The following TUBB1 variants were observed in gnomAD, a reference collection of about 807,000 sequenced individuals.
TUBB1 encodes tubulin beta 1 class VI.
TUBB1 carries 28 observed loss-of-function variants against 22.6 expected under a neutral mutation model. That is an observed-to-expected ratio of 1.24 (90% CI 0.92 to 1.70). The LOEUF (loss-of-function observed/expected upper bound fraction) is 1.70, where lower values mean the gene tolerates loss of function less well. Among genes scored for constraint, TUBB1 ranks in the 40% most tolerant of loss-of-function variants. The pLI is 0.00. For synonymous variants in TUBB1, 226 were observed against 238.0 expected, an observed-to-expected ratio of 0.95 and a Z score of 0.46; for missense variants, 577 against 605.5, an observed-to-expected ratio of 0.95 and a Z score of 0.49.
At chr20:59,020,617 G>T (rs1038990690) in intron 1 of TUBB1, among the ~76,000 whole-genome samples, 1 of 151,626 alleles carries the variant, frequency 6.6e-6, no homozygotes, top group African/African-American at 2.4e-5. Context: ...CATGTTTATT[G>T]TAACGCTTAA....
chr20:59,022,943 C>T lies in TUBB1; in HGVS notation c.156C>T (p.Asn52=), dbSNP rs758371399. The change falls in exon 2 of 4, where the codon AAC becomes AAT. Residue 52 remains asparagine, a synonymous_variant. Transcript: ENST00000217133. ...LQLERISVYY[N]EAYGRKYVPR... ...TGGAGAGAATCAGCGTGTACTACAA[C>T]GAAGCCTACGGTAGGACTGGCGGGG... The T allele has an allele frequency of 1.5e-5, 24 of 1,613,652 alleles. No homozygotes were observed. Among genetic ancestry groups the T allele is most frequent in the Admixed American group, 5.0e-5 (3 of 59,976 alleles).
In TUBB1 at chr20:59,025,137, T is replaced by G; in HGVS notation, c.*354T>G. On this transcript the variant is annotated 3_prime_UTR_variant, in exon 4 of 4. Transcript: ENST00000217133. ...CACTGGAGTTGGTGTTACATTTTTATACTTTAGCAGCACTGATAGGCACCC... is the reference window on the plus strand; with the variant it reads ...CACTGGAGTTGGTGTTACATTTTTAGACTTTAGCAGCACTGATAGGCACCC... 3 of 358,220 alleles carry G rather than the reference T, an allele frequency of 8.4e-6. No homozygotes were observed. Among genetic ancestry groups the G allele is most frequent in the Non-Finnish European group, 1.6e-5 (3 of 185,684 alleles). 22.2% of individuals were successfully genotyped at this position (358,220 alleles called of 1,614,324 possible). A position where few individuals can be genotyped will look rare whatever the true frequency, so the allele number is the denominator to read the frequency against.
Position 59,024,048 on chromosome 20 carries a change from C to T in TUBB1, c.621C>T (p.Leu207=), listed in dbSNP as rs1463601062. 1.9e-6 allele frequency: 3 copies of T among 1,614,102 alleles called. No homozygotes were observed. The African/African-American group carries it at 4.0e-5, about 22-fold the overall frequency. ...GTTTCTGCATTGACAATGAGGCCCT[C>T]TATGACATCTGCTTCCGTACCCTGA... is the stretch of plus-strand genomic sequence containing the variant. The part of the protein sequence containing the change: ...DACFCIDNEA[L]YDICFRTLKL... The change falls in exon 4 of 4, where the codon CTC becomes CTT. Residue 207 remains leucine, a synonymous_variant. Transcript: ENST00000217133. This position sits in a 1 kb window ranked among gnomAD's most constrained non-coding sequence, Gnocchi z 4.9.
Position 59,024,052 on chromosome 20 carries a change from G to T in TUBB1, c.625G>T (p.Asp209Tyr). 6.2e-7 allele frequency: 1 copy of T among 1,614,196 alleles called. No individual in the cohort carries two copies. The highest frequency in any genetic ancestry group is 8.5e-7 in the Non-Finnish European group (1 of 1,180,026). Residue 209 changes from aspartate (D) to tyrosine (Y), a missense_variant, in exon 4 of 4, where the codon GAC becomes TAC. Asp to Tyr is a radical substitution (Grantham distance 160). Coordinates refer to ENST00000217133, the MANE Select transcript of TUBB1 (RefSeq NM_030773.4). This position sits in a 1 kb window ranked among gnomAD's most constrained non-coding sequence, Gnocchi z 4.9. ...CFCIDNEALY[D>Y]ICFRTLKLTT... ...CTGCATTGACAATGAGGCCCTCTAT[G>T]ACATCTGCTTCCGTACCCTGAAGCT...
Position 59,023,924 on chromosome 20 carries a change from C to T in TUBB1, c.497C>T (p.Ser166Phe). 3 of 1,614,214 alleles carry T rather than the reference C, an allele frequency of 1.9e-6. No homozygotes were observed. The highest frequency in any genetic ancestry group is 1.7e-6 in the Non-Finnish European group (2 of 1,180,034). ...GAGTACCCGGACCGGATCATGAATT[C>T]CTTCAGCGTCATGCCTTCTCCCAAG... ...REEYPDRIMNSFSVMPSPKVS... is the reference protein window; with the variant it reads ...REEYPDRIMNFFSVMPSPKVS... Residue 166 changes from serine to phenylalanine, a missense_variant, in exon 4 of 4, where the codon TCC becomes TTC. Physicochemically the swap from Ser to Phe is radical, Grantham distance 155. Transcript: ENST00000217133.
chr20:59,022,885 C>G lies in TUBB1; in HGVS notation c.98C>G (p.Ala33Gly). 1 of 1,614,090 alleles carries G rather than the reference C, an allele frequency of 6.2e-7. No individual in the cohort carries two copies. Among genetic ancestry groups the G allele is most frequent in the Non-Finnish European group, 8.5e-7 (1 of 1,180,014 alleles). The change falls in exon 2 of 4, where the codon GCT (alanine) becomes GGT (glycine). Residue 33 changes from alanine to glycine, a missense_variant. Physicochemically the swap from Ala to Gly is moderately conservative, Grantham distance 60. Transcript: ENST00000217133. ...MIGEEHGIDL[A>G]GSDRGASALQ... ...GGTGAGGAACACGGGATCGACTTGG[C>G]TGGGAGCGACCGCGGGGCCTCGGCC... is the stretch of plus-strand genomic sequence containing the variant.
chr20:59,019,660 G>A, intron 1 of TUBB1, 81 bp downstream of exon 1: 2 of 1,392,774 alleles, frequency 1.4e-6, no homozygotes, highest in Non-Finnish European at 2.0e-6. Flanking sequence ...TAAGTTAGCA[G>A]GGAAGACAAT....
chr20:59,023,407 C>A, intron 2 of TUBB1, 83 bp from the exon 3 acceptor site: 1 of 1,279,686 alleles, frequency 7.8e-7, no homozygotes, highest in Non-Finnish European at 1.1e-6. Flanking sequence ...TTTTTTTGGA[C>A]CAGTATCACA....
Position 59,023,873 on chromosome 20 carries a change from C to T in TUBB1, c.446C>T (p.Thr149Ile). 3 of 1,614,116 alleles carry T rather than the reference C, an allele frequency of 1.9e-6. No homozygotes were observed. The highest frequency in any genetic ancestry group is 2.5e-6 in the Non-Finnish European group (3 of 1,179,992). ...GGGGGCACAGGCTCCGGGATGGGCA[C>T]TCTGCTCATGAACAAGATTAGAGAG... ...LGGGTGSGMG[T>I]LLMNKIREEY... Residue 149 changes from threonine to isoleucine, a missense_variant, in exon 4 of 4, where the codon ACT becomes ATT. By Grantham distance (89) the Thr-to-Ile change is moderately conservative. Transcript: ENST00000217133.
intron 2 of TUBB1, among the ~76,000 whole-genome samples, chr20:59,023,160 C>G (rs989058313): frequency 7.2e-5 from 11 of 152,202 alleles, no homozygotes; most frequent in Admixed American, 7.2e-4. Flanking sequence ...ATATGGCACA[C>G]ACCTTAACAC....
Position 59,019,494 on chromosome 20 carries a change from A to AAGATCT in TUBB1, c.-28_-23dup. The stretch of plus-strand genomic sequence containing the variant: ...ATTCTGAGAGTCTGAGGATTCCGTG[A>AAGATCT]AGATCTCAGACTTGGGCTCAGAGCA... On this transcript the variant is annotated 5_prime_UTR_variant, in exon 1 of 4. Transcript: ENST00000217133. 1 of 1,612,728 alleles carries AAGATCT rather than the reference A, an allele frequency of 6.2e-7. No homozygotes were observed. Among genetic ancestry groups the AAGATCT allele is most frequent in the South Asian group, 1.1e-5 (1 of 91,034 alleles).
chr20:59,020,615 T>C (rs1190957818), intron 1 of TUBB1, among the ~76,000 whole-genome samples: 1 of 152,230 alleles, frequency 6.6e-6, no homozygotes, highest in Non-Finnish European at 1.5e-5. Flanking sequence ...CTCATGTTTA[T>C]TGTAACGCTT....
At chr20:59,017,232 C>G (rs551750914), upstream of TUBB1, among the ~76,000 whole-genome samples, 1 of 152,274 alleles carries the variant, frequency 6.6e-6, no homozygotes, top group East Asian at 1.9e-4. Flanking sequence ...GTACACAATC[C>G]TTATTTGAAT....
Position 59,022,924 on chromosome 20 carries a change from G to A in TUBB1, c.137G>A (p.Arg46Lys), listed in dbSNP as rs138994928. 5 of 1,613,990 alleles carry A rather than the reference G, an allele frequency of 3.1e-6. No homozygotes were observed. In the African/African-American group the frequency reaches 5.3e-5, roughly 17 times the overall value. The change falls in exon 2 of 4, where the codon AGA becomes AAA. Residue 46 changes from arginine (R) to lysine (K), a missense_variant. By Grantham distance (26) the Arg-to-Lys change is conservative. Coordinates refer to ENST00000217133, the MANE Select transcript of TUBB1 (RefSeq NM_030773.4). ...GGGGCCTCGGCCTTGCAGCTGGAGA[G>A]AATCAGCGTGTACTACAACGAAGCC... ...DRGASALQLE[R>K]ISVYYNEAYG...
chr20:59,017,966 C>T (rs920810743), upstream of TUBB1, among the ~76,000 whole-genome samples: 7 of 152,312 alleles, frequency 4.6e-5, no homozygotes, highest in South Asian at 2.1e-4. Flanking sequence ...GCCCGGCAGA[C>T]GTTAAAGAGA....
rs148206456 is a variant in TUBB1 at position 59,022,196 on chromosome 20, G to A, written c.58-649G>A. 2.1e-3 allele frequency among the ~76,000 whole-genome samples: 311 copies of A among 150,940 alleles called. 2 individuals carry two copies. The highest frequency in any genetic ancestry group is 7.4e-3 in the African/African-American group (304 of 41,034). ...CTAAAAATATAAAAATTAGTTGGGC[G>A]TGGTGGTGCGTGCCTGTAGTCCCAG... On this transcript the variant is annotated intron_variant, in intron 1 of 3. Coordinates refer to ENST00000217133, the MANE Select transcript of TUBB1 (RefSeq NM_030773.4).
Position 59,024,980 on chromosome 20 carries a change from C to T in TUBB1, c.*197C>T. ...GCATTAGGGTCTTTGCTGACATCTA[C>T]TAACCTTGAAGAGTTTGATGTTCAG... On this transcript the variant is annotated 3_prime_UTR_variant, in exon 4 of 4. Coordinates refer to ENST00000217133, the MANE Select transcript of TUBB1 (RefSeq NM_030773.4). The surrounding 1 kb of genome is among the most constrained non-coding windows in gnomAD (Gnocchi z 4.9). The T allele has an allele frequency of 3.1e-6, 2 of 636,584 alleles. No individual in the cohort carries two copies. The highest frequency in any genetic ancestry group is 5.6e-6 in the Non-Finnish European group (2 of 355,960). The allele number at this position is 636,584 out of a possible 1,614,324, so 39.4% of individuals were successfully genotyped here.
Position 59,024,077 on chromosome 20 carries a change from T to C in TUBB1, c.650T>C (p.Leu217Pro). ...LYDICFRTLK[L>P]TTPTYGDLNH... ...GACATCTGCTTCCGTACCCTGAAGCTGACGACACCCACCTATGGGGATCTC... is the reference window on the plus strand; with the variant it reads ...GACATCTGCTTCCGTACCCTGAAGCCGACGACACCCACCTATGGGGATCTC... Residue 217 changes from leucine to proline, a missense_variant, in exon 4 of 4, where the codon CTG becomes CCG. Leu to Pro is a moderately conservative substitution (Grantham distance 98). Coordinates refer to ENST00000217133, the MANE Select transcript of TUBB1 (RefSeq NM_030773.4). This position sits in a 1 kb window ranked among gnomAD's most constrained non-coding sequence, Gnocchi z 4.9. 1 of 1,614,220 alleles carries C rather than the reference T, an allele frequency of 6.2e-7. No homozygotes were observed. The highest frequency in any genetic ancestry group is 8.5e-7 in the Non-Finnish European group (1 of 1,180,036).
At chr20:59,018,941 G>T (rs556335819), upstream of TUBB1, among the ~76,000 whole-genome samples, 3 of 152,240 alleles carry the variant, frequency 2.0e-5, no homozygotes, top group African/African-American at 7.2e-5. Flanking sequence ...GAGGGCATGT[G>T]GGGGAGGGCG....
Sources: allele counts gnomAD v4.1 joint callset (sites outside exome capture counted in the v4.1 genomes callset), GRCh38; gene constraint gnomAD v4.1.1; non-coding constraint Gnocchi (gnomAD v3.1); transcripts MANE v1.5; gene names NCBI Gene and HGNC (gene_info 2026-07-23, HGNC 2026-07-21).